Variants in DLEC1 observed in about 807,000 individuals in gnomAD.
DLEC1 encodes the protein DLEC1 cilia and flagella associated protein.
DLEC1 carries 146 observed loss-of-function variants against 198.1 expected under a neutral mutation model. That is an observed-to-expected ratio of 0.74 (90% CI 0.64 to 0.85). The LOEUF is 0.85. Ranked by LOEUF, DLEC1 falls within the 40% of genes least tolerant of loss-of-function variation. The pLI is 0.00. For synonymous variants in DLEC1, 897 were observed against 866.8 expected, an observed-to-expected ratio of 1.03 and a Z score of -0.61; for missense variants, 2,233 against 2,220.0, an observed-to-expected ratio of 1.01 and a Z score of -0.12.
At chr3:38,095,482 A>T (rs531785571) in intron 13 of DLEC1, 1 of 304,306 alleles carries the variant, frequency 3.3e-6, no homozygotes, top group Admixed American at 4.5e-5. Flanking sequence ...GCTAGAAGGG[A>T]ATTCGAGCTG....
At position 38,062,260 on chromosome 3, in the gene DLEC1, A is replaced by G. The variant is rs1305613090; in HGVS notation, c.765A>G (p.Ser255=). ...AGCTGAACAAGAAGCTTGAAGATTC[A>G]TGCAGGAAGAAGCTTGCTGAGTTCG... ...KKELNKKLED[S]CRKKLAEFED... The change falls in exon 4 of 37, where the codon TCA becomes TCG. Residue 255 remains serine, a synonymous_variant. Transcript: ENST00000308059. The G allele has an allele frequency of 6.2e-7, 1 of 1,614,232 alleles. No homozygotes were observed. Among genetic ancestry groups the G allele is most frequent in the Admixed American group, 1.7e-5 (1 of 60,038 alleles).
chr3:38,050,447 T>A (rs1486297845), intron 2 of DLEC1, among the ~76,000 whole-genome samples: 3 of 152,136 alleles, frequency 2.0e-5, no homozygotes, highest in Admixed American at 6.5e-5. Flanking sequence ...CAGGCTGGAA[T>A]ACTGGGCATC....
chr3:38,121,598 G>GA, intron 34 of DLEC1, 30 bp from the exon 35 acceptor site: 1 of 1,605,166 alleles, frequency 6.2e-7, no homozygotes, highest in Non-Finnish European at 8.5e-7. Context: ...AGCCCACCCA[G>GA]AATGGACAAG....
At chr3:38,042,490 T>G (rs1312204347) in intron 1 of DLEC1, among the ~76,000 whole-genome samples, 1 of 151,492 alleles carries the variant, frequency 6.6e-6, no homozygotes, top group East Asian at 1.9e-4. Context: ...ATTTTGTAAT[T>G]ACAAAAAAAG....
At chr3:38,095,602 G>A in intron 13 of DLEC1, 1 of 437,802 alleles carries the variant, frequency 2.3e-6, no homozygotes, top group East Asian at 4.3e-5. Context: ...CTGGGAGGGT[G>A]TGGTGCTTCG....
chr3:38,095,192 G>T, intron 13 of DLEC1, 121 bp downstream of exon 13: 1 of 1,266,978 alleles, frequency 7.9e-7, no homozygotes, highest in African/African-American at 1.5e-5. Context: ...TCCTGCCCAG[G>T]CCAGCACTTG....
In DLEC1 at chr3:38,092,973, G is replaced by A. The variant is rs549501568; in HGVS notation, c.1756+93G>A. The A allele has an allele frequency of 3.3e-6, 4 of 1,205,144 alleles. No homozygotes were observed. The Admixed American group carries it at 5.3e-5, about 16-fold the overall frequency. 74.7% of individuals were successfully genotyped at this position (1,205,144 alleles called of 1,614,324 possible). A position where few individuals can be genotyped will look rare whatever the true frequency, so the allele number is the denominator to read the frequency against. Reference sequence around the variant, plus strand: ...CAGTAGCATTAGCGGCAGCCCACCTGTTTCCTGTGTGTGTCAGGAGCGCAC... The same window carrying A: ...CAGTAGCATTAGCGGCAGCCCACCTATTTCCTGTGTGTGTCAGGAGCGCAC... On this transcript the variant is annotated intron_variant, in intron 11 of 36. Coordinates refer to ENST00000308059, the MANE Select transcript of DLEC1 (RefSeq NM_007335.4).
chr3:38,096,484 G>T, intron 14 of DLEC1, 85 bp from the exon 15 acceptor site: 1 of 1,470,298 alleles, frequency 6.8e-7, no homozygotes, highest in Non-Finnish European at 9.1e-7. Flanking sequence ...TTTTTCACAA[G>T]GCCAAACGTG....
At position 38,063,875 on chromosome 3, in the gene DLEC1, C is replaced by G. The variant is rs117013868; in HGVS notation, c.1129C>G (p.Pro377Ala). The G allele has an allele frequency of 1.4e-3, 2,263 of 1,613,544 alleles. 51 individuals carry two copies. In the East Asian group the frequency reaches 0.044, roughly 32 times the overall value. ...ADTPVFLAKP[P>A]IGFFTDYEIG... is the part of the protein sequence containing the mutation. The stretch of plus-strand genomic sequence containing the variant: ...TACTCCAGTGTTTCTAGCTAAGCCA[C>G]CAATTGGGTTTTTCACAGATTATGA... Residue 377 changes from proline to alanine, a missense_variant, in exon 6 of 37, where the codon CCA becomes GCA. Physicochemically the swap from Pro to Ala is conservative, Grantham distance 27. Transcript: ENST00000308059.
rs1699938043 is a variant in DLEC1, at chr3:38,112,431, T to C, written c.3666+70T>C. 5.7e-6 allele frequency: 9 copies of C among 1,586,160 alleles called. No individual in the cohort carries two copies. Among genetic ancestry groups the C allele is most frequent in the Non-Finnish European group, 7.8e-6 (9 of 1,160,492 alleles). ...GCCCAGCCCTCGCCTTCAGCCTCTC[T>C]CCCCTCCAACACCTGGCCCTCAGAC... On this transcript the variant is annotated intron_variant, in intron 25 of 36. Coordinates refer to ENST00000308059, the MANE Select transcript of DLEC1 (RefSeq NM_007335.4). The surrounding 1 kb of genome is among the most constrained non-coding windows in gnomAD (Gnocchi z 4.8).
chr3:38,059,849 A>G lies in DLEC1; in HGVS notation c.670A>G (p.Lys224Glu). 2 of 1,613,742 alleles carry G rather than the reference A, an allele frequency of 1.2e-6. No individual in the cohort carries two copies. The highest frequency in any genetic ancestry group is 1.7e-6 in the Non-Finnish European group (2 of 1,179,820). The stretch of plus-strand genomic sequence containing the variant: ...TACAGTGCCGTTTCACTCTGCACCT[A>G]AAGGTAATGCTTCTGTGCTCTCAAG... ...TDTVPFHSAP[K>E]GISLPGCSKL... Residue 224 changes from lysine (K) to glutamate (E), a missense_variant, in exon 3 of 37, where the codon AAA becomes GAA. Lys to Glu is a moderately conservative substitution (Grantham distance 56, BLOSUM62 1). Transcript: ENST00000308059.
rs11410521 is a variant in DLEC1 at position 38,060,698 on chromosome 3, A to ATT, written c.673+858_673+859dup. On this transcript the variant is annotated intron_variant, in intron 3 of 36. Coordinates refer to ENST00000308059, the MANE Select transcript of DLEC1 (RefSeq NM_007335.4). ...GTCATGGAGTACTAAGCCACTTAGT[A>ATT]TTTTTTTTTTTTTGAGGCAGAGTTT... 7.4e-3 allele frequency among the ~76,000 whole-genome samples: 1,088 copies of ATT among 147,386 alleles called. 13 individuals carry two copies. The highest frequency in any genetic ancestry group is 0.023 in the African/African-American group (927 of 40,214).
intron 2 of DLEC1, among the ~76,000 whole-genome samples, chr3:38,053,728 A>C (rs182588278): frequency 0.016 from 2,368 of 152,360 alleles, 64 homozygotes; most frequent in African/African-American, 0.054. Flanking sequence ...GGCCATGATG[A>C]CGATGGCGGT....
intron 34 of DLEC1, 133 bp from the exon 35 acceptor site, chr3:38,121,495 C>A: frequency 8.6e-7 from 1 of 1,156,308 alleles, no homozygotes; most frequent in Non-Finnish European, 1.2e-6. Flanking sequence ...TGGCGCTGGT[C>A]CCCTGCCAAC....
At chr3:38,118,124 C>G (rs1700281996) in intron 33 of DLEC1, 100 bp downstream of exon 33, 3 of 1,338,538 alleles carry the variant, frequency 2.2e-6, no homozygotes. Context: ...TACCCAGACG[C>G]AAACTGCATG....
chr3:38,049,961 C>T (rs1043720350), intron 2 of DLEC1, among the ~76,000 whole-genome samples: 1 of 152,114 alleles, frequency 6.6e-6, no homozygotes, highest in Non-Finnish European at 1.5e-5. Context: ...CAGGATAGGT[C>T]AGCTGATGAG....
At chr3:38,111,553 G>A in intron 23 of DLEC1, 124 bp from the exon 24 acceptor site, 2 of 927,726 alleles carry the variant, frequency 2.2e-6, no homozygotes, top group South Asian at 3.3e-5. Flanking sequence ...CCCCTGGGAA[G>A]AGCAGGCAGG....
At chr3:38,078,643 T>TG (rs1697775423) in intron 6 of DLEC1, among the ~76,000 whole-genome samples, 1 of 152,202 alleles carries the variant, frequency 6.6e-6, no homozygotes, top group Non-Finnish European at 1.5e-5. Context: ...TGTGAAGTCT[T>TG]GCGGCAGTAC....
chr3:38,123,376 C>G lies in DLEC1; in HGVS notation c.*964C>G. On this transcript the variant is annotated 3_prime_UTR_variant, in exon 37 of 37. Coordinates refer to ENST00000308059, the MANE Select transcript of DLEC1 (RefSeq NM_007335.4). ...CCTACATCCTAAGTTCAGGGTGTTT[C>G]TGTGTGCATGTTCCCCTCCCCAGGG... is the stretch of plus-strand genomic sequence containing the variant. 2.0e-6 allele frequency: 1 copy of G among 489,836 alleles called. No homozygotes were observed. The highest frequency in any genetic ancestry group is 3.7e-6 in the Non-Finnish European group (1 of 272,490). The allele number at this position is 489,836 out of a possible 1,614,324, so 30.3% of individuals were successfully genotyped here. A position where few individuals can be genotyped will look rare whatever the true frequency, so the allele number is the denominator to read the frequency against.
Sources: gnomAD v4.1 joint callset for allele counts (sites outside exome capture counted in the v4.1 genomes callset) on GRCh38, gnomAD v4.1.1 for gene constraint, Gnocchi (gnomAD v3.1) non-coding constraint, MANE v1.5 for transcripts, NCBI Gene and HGNC (gene_info 2026-07-23, HGNC 2026-07-21) for gene names.